ATP8A1: variants seen among roughly 807,000 people sequenced by gnomAD.
ATP8A1 encodes phospholipid-transporting ATPase IA.
ATP8A1 carries 90 observed loss-of-function variants against 177.7 expected under a neutral mutation model. The ratio of observed to expected loss-of-function variants is 0.51; its 90% CI spans 0.43 to 0.60. The LOEUF is 0.60. Ranked by LOEUF, ATP8A1 falls within the 20% of genes least tolerant of loss-of-function variation. The pLI, the probability that ATP8A1 is intolerant of heterozygous loss-of-function variation, is 0.00. For synonymous variants in ATP8A1, 493 were observed against 485.9 expected (o/e 1.01, Z -0.19); for missense variants, 1,072 against 1,392.8 (o/e 0.77, Z 3.67).
At chr4:42,652,888 A>T (rs56058279) in intron 1 of ATP8A1, among the ~76,000 whole-genome samples, 150 of 144,988 alleles carry the variant, frequency 1.0e-3, no homozygotes, top group African/African-American at 3.6e-3. Context: ...TGTTTTTATT[A>T]GCAGCCTAAG....
At chr4:42,440,017 C>T (rs1449466726) in intron 33 of ATP8A1, among the ~76,000 whole-genome samples, 1 of 152,196 alleles carries the variant, frequency 6.6e-6, no homozygotes. Context: ...GTGATCATGG[C>T]AACCCATTTG....
At chr4:42,553,371 C>CTT (rs1278351366) in intron 16 of ATP8A1, among the ~76,000 whole-genome samples, 1 of 152,092 alleles carries the variant, frequency 6.6e-6, no homozygotes, top group African/African-American at 2.4e-5. Flanking sequence ...TTCTATAATG[C>CTT]TTTGTCTTTC....
Position 42,552,601 on chromosome 4 carries a change from G to C in ATP8A1, c.1423C>G (p.Pro475Ala), listed in dbSNP as rs1225445391. Residue 475 changes from proline (P) to alanine (A), a missense_variant, in exon 17 of 37, where the codon CCT becomes GCT. Physicochemically the swap from Pro to Ala is conservative, Grantham distance 27. This residue lies in a region of ATP8A1 where 388 missense variants were observed against 471.7 expected (regional missense o/e 0.82). Coordinates refer to ENST00000381668, the MANE Select transcript of ATP8A1 (RefSeq NM_006095.2). Reference sequence around the variant, plus strand: ...ATTGTAAGAAATTCACATATTATAGGTGCAGTTGGCTGTGAAAAATAAACA... The same window carrying C: ...ATTGTAAGAAATTCACATATTATAGCTGCAGTTGGCTGTGAAAAATAAACA... ...ENLQNNHPTA[P>A]IICEFLTMMA... is the part of the protein sequence containing the mutation. 1.2e-6 allele frequency: 2 copies of C among 1,612,320 alleles called. No homozygotes were observed. The highest frequency in any genetic ancestry group is 2.2e-5 in the South Asian group (2 of 90,822).
chr4:42,462,587 C>T (rs976643016), intron 27 of ATP8A1, among the ~76,000 whole-genome samples: 2 of 152,230 alleles, frequency 1.3e-5, no homozygotes, highest in Admixed American at 1.3e-4. Flanking sequence ...AAGTTTGCTG[C>T]AGGGGCAGGG....
chr4:42,622,107 G>A (rs986226447), intron 4 of ATP8A1, among the ~76,000 whole-genome samples: 9 of 152,160 alleles, frequency 5.9e-5, no homozygotes, highest in Non-Finnish European at 5.9e-5. Context: ...TGGGCATGGT[G>A]GCTCACGCCT....
intron 20 of ATP8A1, among the ~76,000 whole-genome samples, chr4:42,542,207 ATATAT>A (rs1560438668): frequency 1.3e-5 from 2 of 152,134 alleles, no homozygotes; most frequent in Non-Finnish European, 2.9e-5. Flanking sequence ...TCTATATGAA[ATATAT>A]TAAATTTTTT....
chr4:42,451,227 A>G (rs1338356565), intron 30 of ATP8A1, among the ~76,000 whole-genome samples: 3 of 152,150 alleles, frequency 2.0e-5, no homozygotes, highest in African/African-American at 4.8e-5. Flanking sequence ...GCAACCATTA[A>G]TTGATAGACG....
intron 1 of ATP8A1, among the ~76,000 whole-genome samples, chr4:42,636,215 TTAAGA>T (rs1739379860): frequency 1.4e-5 from 2 of 143,322 alleles, no homozygotes; most frequent in African/African-American, 5.0e-5. Flanking sequence ...GGCTGAATAA[TTAAGA>T]TGTTTGTATT....
intron 15 of ATP8A1, among the ~76,000 whole-genome samples, 154 bp downstream of exon 15, chr4:42,569,007 A>C (rs1191223787): frequency 6.6e-6 from 1 of 152,142 alleles, no homozygotes; most frequent in Non-Finnish European, 1.5e-5. Context: ...ATTTCAAGAA[A>C]TATCTACTTT....
intron 15 of ATP8A1, among the ~76,000 whole-genome samples, chr4:42,563,147 C>CTA (rs923320918): frequency 2.0e-5 from 3 of 152,188 alleles, no homozygotes; most frequent in Admixed American, 6.5e-5. Flanking sequence ...AGGACTTTGA[C>CTA]TAAAGCCTGA....
chr4:42,579,892 G>A lies in ATP8A1; in HGVS notation c.921C>T (p.Ala307=), dbSNP rs146268187. The A allele has an allele frequency of 6.2e-7, 1 of 1,613,382 alleles. No individual in the cohort carries two copies. Among genetic ancestry groups the A allele is most frequent in the Admixed American group, 1.7e-5 (1 of 59,938 alleles). ...AGCCCACAGAACAGACAAGAGACAT[G>A]GCAATTAAGATACAAAATAAAATCA... is the stretch of plus-strand genomic sequence containing the variant. ...QILILFCILI[A]MSLVCSVGSA... The change falls in exon 11 of 37, where the codon GCC becomes GCT. Residue 307 remains alanine, a synonymous_variant. Transcript: ENST00000381668.
At chr4:42,517,038 G>T (rs369358809) in intron 22 of ATP8A1, among the ~76,000 whole-genome samples, 2,538 of 152,072 alleles carry the variant, frequency 0.017, 70 homozygotes, top group African/African-American at 0.057. Flanking sequence ...CGGTGGCTCA[G>T]GCCTGTAATC....
At chr4:42,422,120 C>T (rs947831075) in intron 35 of ATP8A1, among the ~76,000 whole-genome samples, 4 of 152,098 alleles carry the variant, frequency 2.6e-5, no homozygotes, top group South Asian at 4.2e-4. Context: ...GATGGAGTCT[C>T]GCGCTCTGTT....
At chr4:42,620,021 C>T (rs544932096) in intron 4 of ATP8A1, among the ~76,000 whole-genome samples, 1 of 152,284 alleles carries the variant, frequency 6.6e-6, no homozygotes, top group African/African-American at 2.4e-5. Flanking sequence ...ATATATTAAG[C>T]CACTGACATA....
At chr4:42,518,300 G>A (rs2153197402) in intron 22 of ATP8A1, among the ~76,000 whole-genome samples, 1 of 152,254 alleles carries the variant, frequency 6.6e-6, no homozygotes, top group Admixed American at 6.5e-5. Flanking sequence ...TACCATTAAT[G>A]TGGCAATGAC....
chr4:42,597,549 T>G (rs1163695603), intron 6 of ATP8A1, among the ~76,000 whole-genome samples: 1 of 152,228 alleles, frequency 6.6e-6, no homozygotes, highest in Non-Finnish European at 1.5e-5. Context: ...TAATTTCTTC[T>G]GTGTTGCTAC....
At position 42,435,098 on chromosome 4, in the gene ATP8A1, G is replaced by A. The variant is rs139147894; in HGVS notation, c.3123+8467C>T. 1.0e-3 allele frequency among the ~76,000 whole-genome samples: 155 copies of A among 152,324 alleles called. 1 individual carries two copies. Among genetic ancestry groups the A allele is most frequent in the East Asian group, 2.3e-3 (12 of 5,186 alleles). On this transcript the variant is annotated intron_variant, in intron 33 of 36. Coordinates refer to ENST00000381668, the MANE Select transcript of ATP8A1 (RefSeq NM_006095.2). Reference sequence around the variant, plus strand: ...GCAGCTTAACACCAGTCATTGACGAGCCCTTTACCTTACCATATGATGGAA... The same window carrying A: ...GCAGCTTAACACCAGTCATTGACGAACCCTTTACCTTACCATATGATGGAA...
At chr4:42,531,426 C>G (rs1727252943) in intron 20 of ATP8A1, among the ~76,000 whole-genome samples, 1 of 152,244 alleles carries the variant, frequency 6.6e-6, no homozygotes, top group Non-Finnish European at 1.5e-5. Context: ...CTGTAACTGT[C>G]ATGAGTATTT....
intron 20 of ATP8A1, among the ~76,000 whole-genome samples, chr4:42,525,371 G>A (rs886844302): frequency 6.6e-6 from 1 of 152,114 alleles, no homozygotes; most frequent in Non-Finnish European, 1.5e-5. Context: ...AGGGTTTAGA[G>A]CATGTTTATG....
Sources: gnomAD v4.1 joint callset for allele counts (sites outside exome capture counted in the v4.1 genomes callset) on GRCh38, gnomAD v4.1.1 for gene constraint, gnomAD v4.1.1 regional missense constraint, MANE v1.5 for transcripts, NCBI Gene and HGNC (gene_info 2026-07-23, HGNC 2026-07-21) for gene names.